SRD5A3: variants seen among roughly 807,000 people sequenced by gnomAD.
The protein encoded by SRD5A3 is steroid 5 alpha-reductase 3, also known as polyprenal reductase.
In SRD5A3, 24 loss-of-function variants were observed where a neutral mutation model predicts 34.3. The observed-to-expected ratio is 0.70, with a 90% CI of 0.51 to 0.99. The LOEUF is 0.99. Ranked by LOEUF, SRD5A3 falls within the 50% of genes least tolerant of loss-of-function variation. The pLI is 0.00. For missense variants in SRD5A3, 350 were observed against 388.2 expected (o/e 0.90, Z 0.83); for synonymous variants, 161 against 167.3 (o/e 0.96, Z 0.29).
At chr4:55,360,381 T>G (rs1335866437) in intron 2 of SRD5A3, among the ~76,000 whole-genome samples, 1 of 137,550 alleles carries the variant, frequency 7.3e-6, no homozygotes, top group Non-Finnish European at 1.6e-5. Flanking sequence ...TGGCAGGCGC[T>G]TGTAATCCCA....
chr4:55,356,569 C>T (rs1366612927), intron 1 of SRD5A3, among the ~76,000 whole-genome samples: 1 of 152,116 alleles, frequency 6.6e-6, no homozygotes, highest in Non-Finnish European at 1.5e-5. Flanking sequence ...CTTACTGCAG[C>T]CTCAGCCTGA....
In SRD5A3 at chr4:55,371,435, C is replaced by T. The variant is rs749237027; in HGVS notation, c.*1344C>T. ...ACATTAAAACTGCACACTTGTGCAG[C>T]GTAAGATTCTCTGGCTTATTGGCTG... On this transcript the variant is annotated 3_prime_UTR_variant, in exon 5 of 5. Coordinates refer to ENST00000264228, the MANE Select transcript of SRD5A3 (RefSeq NM_024592.5). 5 of 152,188 alleles carry T rather than the reference C, an allele frequency of 3.3e-5. No homozygotes were observed. The highest frequency in any genetic ancestry group is 4.8e-5 in the African/African-American group (2 of 41,440). 9.4% of individuals were successfully genotyped at this position (152,188 alleles called of 1,614,324 possible).
At chr4:55,356,920 C>T (rs1288199296) in intron 1 of SRD5A3, among the ~76,000 whole-genome samples, 1 of 152,206 alleles carries the variant, frequency 6.6e-6, no homozygotes. Flanking sequence ...TCTCCCCACT[C>T]CTGCCTCACC....
Position 55,370,129 on chromosome 4 carries a change from G to A in SRD5A3, c.*38G>A, listed in dbSNP as rs1271055700. ...CATGAAGAATGCAAACCAGGTGATGGTTTCAATGCCTAAGGACAGTGAAGT... is the reference window on the plus strand; with the variant it reads ...CATGAAGAATGCAAACCAGGTGATGATTTCAATGCCTAAGGACAGTGAAGT... On this transcript the variant is annotated 3_prime_UTR_variant, in exon 5 of 5. Coordinates refer to ENST00000264228, the MANE Select transcript of SRD5A3 (RefSeq NM_024592.5). 3 of 1,610,586 alleles carry A rather than the reference G, an allele frequency of 1.9e-6. No individual in the cohort carries two copies. Among genetic ancestry groups the A allele is most frequent in the African/African-American group, 2.7e-5 (2 of 74,832 alleles).
intron 4 of SRD5A3, among the ~76,000 whole-genome samples, chr4:55,369,202 T>TA (rs1720026014): frequency 2.0e-5 from 3 of 152,196 alleles, no homozygotes; most frequent in Admixed American, 2.0e-4. Context: ...GCAACTTATC[T>TA]AAAGTTACAC....
rs1419835609 is a variant in SRD5A3 at position 55,371,172 on chromosome 4, GAC to G, written c.*1086_*1087del. ...ATAGCAAGCCTTCGTGAACGGAAGT[GAC>G]ACACTCTGGATTGAATAATACTGTA... On this transcript the variant is annotated 3_prime_UTR_variant, in exon 5 of 5. Coordinates refer to ENST00000264228, the MANE Select transcript of SRD5A3 (RefSeq NM_024592.5). The G allele has an allele frequency of 3.9e-5, 6 of 152,168 alleles. No homozygotes were observed. The highest frequency in any genetic ancestry group is 1.2e-4 in the African/African-American group (5 of 41,456). The allele number at this position is 152,168 out of a possible 1,614,324, so 9.4% of individuals were successfully genotyped here.
chr4:55,369,668 C>A, intron 4 of SRD5A3, 164 bp from the exon 5 acceptor site: 2 of 752,992 alleles, frequency 2.7e-6, no homozygotes, highest in Non-Finnish European at 4.3e-6. Context: ...AAGGTTGAGA[C>A]TACAGTGAGC....
chr4:55,346,447 C>T lies in SRD5A3; in HGVS notation c.111C>T (p.Pro37=). 2 of 1,606,860 alleles carry T rather than the reference C, an allele frequency of 1.2e-6. No homozygotes were observed. Among genetic ancestry groups the T allele is most frequent in the Middle Eastern group, 3.3e-4 (2 of 6,042 alleles). Residue 37 remains proline (P), a synonymous_variant, in exon 1 of 5, where the codon CCC becomes CCT. Coordinates refer to ENST00000264228, the MANE Select transcript of SRD5A3 (RefSeq NM_024592.5). ...LLTLLLQLLP[P]GLLPGCAIFQ... is the part of the protein sequence containing the mutation. Reference sequence around the variant, plus strand: ...CCCTACTGCTGCAGCTCCTGCCGCCCGGCCTGCTCCCGGGCTGCGCGATCT... The same window carrying T: ...CCCTACTGCTGCAGCTCCTGCCGCCTGGCCTGCTCCCGGGCTGCGCGATCT...
At chr4:55,368,794 A>G (rs1017036472) in intron 4 of SRD5A3, among the ~76,000 whole-genome samples, 2 of 151,846 alleles carry the variant, frequency 1.3e-5, no homozygotes, top group Non-Finnish European at 2.9e-5. Context: ...GCTGGAGTGC[A>G]GTGGCACCAT....
chr4:55,353,476 G>A (rs1043870391), intron 1 of SRD5A3, among the ~76,000 whole-genome samples: 24 of 152,194 alleles, frequency 1.6e-4, no homozygotes, highest in Non-Finnish European at 3.2e-4. Flanking sequence ...CAGGATGTGG[G>A]CGGGGCCAAA....
intron 1 of SRD5A3, among the ~76,000 whole-genome samples, chr4:55,358,535 C>CAAAAAAAA (rs576702969): frequency 8.9e-6 from 1 of 112,798 alleles, no homozygotes; most frequent in African/African-American, 3.4e-5. Context: ...GACCCTGTCT[C>CAAAAAAAA]AAAAAAAAAA....
In SRD5A3 at chr4:55,359,432, C is replaced by T. The variant is rs1227167340; in HGVS notation, c.308C>T (p.Pro103Leu). ...CLTQSLFLGA[P>L]FPSWLHGLLR... ...ACTCAATCTCTGTTCCTGGGAGCAC[C>T]TTTTCCAAGCTGGCTTCATGGTTTG... is the stretch of plus-strand genomic sequence containing the variant. The change falls in exon 2 of 5, where the codon CCT (proline) becomes CTT (leucine). Residue 103 changes from proline (P) to leucine (L), a missense_variant. Physicochemically the swap from Pro to Leu is moderately conservative, Grantham distance 98. Coordinates refer to ENST00000264228, the MANE Select transcript of SRD5A3 (RefSeq NM_024592.5). 6.2e-7 allele frequency: 1 copy of T among 1,613,706 alleles called. No individual in the cohort carries two copies. Among genetic ancestry groups the T allele is most frequent in the Non-Finnish European group, 8.5e-7 (1 of 1,179,986 alleles).
At chr4:55,353,475 G>A (rs945144841) in intron 1 of SRD5A3, among the ~76,000 whole-genome samples, 12 of 152,172 alleles carry the variant, frequency 7.9e-5, no homozygotes, top group Non-Finnish European at 1.6e-4. Context: ...GCAGGATGTG[G>A]GCGGGGCCAA....
chr4:55,350,282 A>T (rs934855605), intron 1 of SRD5A3, among the ~76,000 whole-genome samples: 2 of 152,200 alleles, frequency 1.3e-5, no homozygotes, highest in Non-Finnish European at 1.5e-5. Context: ...AGGTAGGAGA[A>T]TAGCTTGAAC....
In SRD5A3 at chr4:55,356,700, T is replaced by A. The variant is rs143415520; in HGVS notation, c.222-2646T>A. 3.7e-3 allele frequency among the ~76,000 whole-genome samples: 566 copies of A among 151,512 alleles called. 1 individual carries two copies. Among genetic ancestry groups the A allele is most frequent in the Non-Finnish European group, 6.0e-3 (404 of 67,868 alleles). ...TTATGTTGCTCAGGCTAGAGGGATTTTTTATTTATTTATTTATTTATTTAT... is the reference window on the plus strand; with the variant it reads ...TTATGTTGCTCAGGCTAGAGGGATTATTTATTTATTTATTTATTTATTTAT... On this transcript the variant is annotated intron_variant, in intron 1 of 4. Transcript: ENST00000264228.
rs960443129 is a variant in SRD5A3 at position 55,346,723 on chromosome 4, G to T, written c.221+166G>T. Among the ~76,000 whole-genome samples the T allele has an allele frequency of 3.3e-5, 5 of 151,972 alleles. No homozygotes were observed. In the South Asian group the frequency reaches 6.2e-4, roughly 19 times the overall value. ...GCTCCCTCGGCCTGGCCCCGGCCAT[G>T]CCCCGGCTGCTGCGTGGCTCCGGGG... On this transcript the variant is annotated intron_variant, in intron 1 of 4. Transcript: ENST00000264228.
Position 55,370,454 on chromosome 4 carries a change from CA to C in SRD5A3, c.*364del. ...CTTCACACACACACACACACACACA[CA>C]CACACACACACACACACAAAGGAAG... On this transcript the variant is annotated 3_prime_UTR_variant, in exon 5 of 5. Coordinates refer to ENST00000264228, the MANE Select transcript of SRD5A3 (RefSeq NM_024592.5). 3.2e-6 allele frequency: 1 copy of C among 313,934 alleles called. No homozygotes were observed. Among genetic ancestry groups the C allele is most frequent in the Non-Finnish European group, 6.0e-6 (1 of 167,068 alleles). The allele number at this position is 313,934 out of a possible 1,614,324, so 19.4% of individuals were successfully genotyped here. A position where few individuals can be genotyped will look rare whatever the true frequency, so the allele number is the denominator to read the frequency against.
chr4:55,351,045 C>T (rs985557359), intron 1 of SRD5A3, among the ~76,000 whole-genome samples: 1 of 151,476 alleles, frequency 6.6e-6, no homozygotes, highest in Admixed American at 6.6e-5. Context: ...GGATTATAGG[C>T]GTGAGTCACC....
intron 1 of SRD5A3, among the ~76,000 whole-genome samples, chr4:55,354,608 G>T (rs530637513): frequency 1.4e-4 from 21 of 152,168 alleles, no homozygotes; most frequent in African/African-American, 4.6e-4. Flanking sequence ...CACTCTACCT[G>T]GAAAGGCCTT....
Sources: gnomAD v4.1 joint callset for allele counts (sites outside exome capture counted in the v4.1 genomes callset) on GRCh38, gnomAD v4.1.1 for gene constraint, MANE v1.5 for transcripts, NCBI Gene and HGNC (gene_info 2026-07-23, HGNC 2026-07-21) for gene names.